Variants in ERMP1 observed in about 807,000 individuals in gnomAD.
ERMP1 encodes the protein Felix-ina.
A neutral mutation model predicts 92.0 loss-of-function variants in ERMP1; 86 were observed. The ratio of observed to expected loss-of-function variants is 0.93; its 90% confidence interval spans 0.79 to 1.12. The LOEUF (loss-of-function observed/expected upper bound fraction) is 1.12. ERMP1 is among the 50% of genes most tolerant of loss of function. The pLI, the probability that ERMP1 is intolerant of heterozygous loss-of-function variation, is 0.00. For missense variants in ERMP1, 1,342 were observed against 1,116.3 expected (o/e 1.20, Z -2.88); for synonymous variants, 530 against 412.8 (o/e 1.28, Z -3.44).
Position 5,854,838 on chromosome 9 carries a change from C to T in ERMP1, n.3199+4630G>A, listed in dbSNP as rs149807584. Among the ~76,000 whole-genome samples the T allele has an allele frequency of 6.4e-3, 976 of 152,270 alleles. 9 individuals are homozygous for T. The highest frequency in any genetic ancestry group is 0.022 in the African/African-American group (898 of 41,540). On this transcript the variant is annotated intron_variant and non_coding_transcript_variant, in intron 6 of 6. Transcript: ENST00000690753. ...CACCACACCCGGCCTGGTCTTATTA[C>T]TTCTATACATAAGACAGGATCTTTC...
chr9:5,827,217 T>G (rs182594254), intron 2 of ERMP1, among the ~76,000 whole-genome samples: 8 of 152,356 alleles, frequency 5.3e-5, no homozygotes, highest in African/African-American at 1.9e-4. Flanking sequence ...AGTGCTTCAA[T>G]TAGGCCATCC....
At chr9:5,860,056 T>C (rs1318045925) in intron 5 of ERMP1, among the ~76,000 whole-genome samples, 1 of 151,980 alleles carries the variant, frequency 6.6e-6, no homozygotes, top group African/African-American at 2.4e-5. Flanking sequence ...TTTCAGCACT[T>C]TGAGAGGCTA....
At chr9:5,822,922 C>A (rs577343262) in intron 4 of ERMP1, among the ~76,000 whole-genome samples, 64 of 152,226 alleles carry the variant, frequency 4.2e-4, no homozygotes, top group African/African-American at 1.5e-3. Flanking sequence ...CTTAGCGTTC[C>A]AATAATGGAA....
At chr9:5,796,027 T>C (rs1394075794) in intron 13 of ERMP1, among the ~76,000 whole-genome samples, 1 of 152,058 alleles carries the variant, frequency 6.6e-6, no homozygotes, top group African/African-American at 2.4e-5. Flanking sequence ...AAGGATTCTA[T>C]AAGGAAAACT....
chr9:5,843,248 G>A (rs149270787), intron 6 of ERMP1, among the ~76,000 whole-genome samples: 127 of 152,342 alleles, frequency 8.3e-4, no homozygotes, highest in African/African-American at 2.8e-3. Flanking sequence ...ATAGCTCTGC[G>A]GAATTTGGGG....
intron 9 of ERMP1, among the ~76,000 whole-genome samples, 193 bp downstream of exon 9, chr9:5,805,418 T>C (rs1434058131): frequency 6.6e-6 from 1 of 152,114 alleles, no homozygotes; most frequent in Admixed American, 6.5e-5. Context: ...ACACAAGTAA[T>C]ATATTAGTAT....
rs1280887382 is a variant in ERMP1 at position 5,787,235 on chromosome 9, C to T, written c.2624G>A (p.Arg875Lys). Residue 875 changes from arginine (R) to lysine (K), a missense_variant, in exon 15 of 15, where the codon AGA (arginine) becomes AAA (lysine). By Grantham distance (26) the Arg-to-Lys change is conservative. Transcript: ENST00000339450. ...CTTCAGAGCATCCAGTTGAGGGGAT[C>T]TCTTGTCTTCCCCAGACAGATAGTG... is the stretch of plus-strand genomic sequence containing the variant. ...AAHYLSGEDKRSPQLDALKEK... is the reference protein window; with the variant it reads ...AAHYLSGEDKKSPQLDALKEK... The T allele has an allele frequency of 1.2e-6, 2 of 1,613,988 alleles. No homozygotes were observed. The highest frequency in any genetic ancestry group is 1.7e-6 in the Non-Finnish European group (2 of 1,179,994).
intron 6 of ERMP1, among the ~76,000 whole-genome samples, chr9:5,845,800 C>G (rs148191404): frequency 6.6e-6 from 1 of 152,270 alleles, no homozygotes; most frequent in Non-Finnish European, 1.5e-5. Context: ...TGTGAGGAGA[C>G]TGAGGAGAAC....
chr9:5,866,146 T>C (rs1420680622), intron 5 of ERMP1, among the ~76,000 whole-genome samples: 3 of 152,216 alleles, frequency 2.0e-5, no homozygotes, highest in Admixed American at 2.0e-4. Context: ...TTACACATAA[T>C]ACACTTCCAT....
At position 5,809,318 on chromosome 9, in the gene ERMP1, C is replaced by A. The variant is rs559820574; in HGVS notation, c.1548+693G>T. On this transcript the variant is annotated intron_variant, in intron 8 of 14. Transcript: ENST00000339450. The stretch of plus-strand genomic sequence containing the variant: ...TACAGGCGTGAGCCACCGCGCCCGG[C>A]CAGCCCTAATTTCTAATTTTATTTT... Among the ~76,000 whole-genome samples, 4 of 152,342 alleles carry A rather than the reference C, an allele frequency of 2.6e-5. No homozygotes were observed. The East Asian group carries it at 7.7e-4, about 29-fold the overall frequency.
At chr9:5,796,257 A>G (rs115522191) in intron 13 of ERMP1, among the ~76,000 whole-genome samples, 316 of 152,366 alleles carry the variant, frequency 2.1e-3, no homozygotes, top group African/African-American at 7.0e-3. Flanking sequence ...AATTCTGGAG[A>G]AGAAGAGTTG....
At chr9:5,818,965 T>G (rs759738823) in intron 4 of ERMP1, among the ~76,000 whole-genome samples, 4 of 152,244 alleles carry the variant, frequency 2.6e-5, no homozygotes, top group Non-Finnish European at 5.9e-5. Flanking sequence ...AAATCCTTAC[T>G]GTTATATGTA....
intron 5 of ERMP1, among the ~76,000 whole-genome samples, chr9:5,862,812 G>C (rs1358102146): frequency 6.6e-6 from 1 of 152,166 alleles, no homozygotes; most frequent in African/African-American, 2.4e-5. Flanking sequence ...TGGGGCCATG[G>C]GTTGGTTCTC....
At chr9:5,808,827 T>C (rs1159439655) in intron 8 of ERMP1, among the ~76,000 whole-genome samples, 1 of 152,196 alleles carries the variant, frequency 6.6e-6, no homozygotes, top group Admixed American at 6.5e-5. Flanking sequence ...AGCCTTGATC[T>C]CATGGGCTCA....
rs1306705622 is a variant in ERMP1 at position 5,786,199 on chromosome 9, T to G, written c.*945A>C. On this transcript the variant is annotated 3_prime_UTR_variant, in exon 15 of 15. Transcript: ENST00000339450. Reference sequence around the variant, plus strand: ...AGATTATACCATGAAGGACTAACCTTGTATAACACAAGACTCCTATGAAAC... The same window carrying G: ...AGATTATACCATGAAGGACTAACCTGGTATAACACAAGACTCCTATGAAAC... The G allele has an allele frequency of 6.6e-6, 1 of 152,176 alleles. No homozygotes were observed. Among genetic ancestry groups the G allele is most frequent in the Non-Finnish European group, 1.5e-5 (1 of 68,046 alleles). 9.4% of individuals were successfully genotyped at this position (152,176 alleles called of 1,614,324 possible). A position where few individuals can be genotyped will look rare whatever the true frequency, so the allele number is the denominator to read the frequency against.
chr9:5,840,271 G>C (rs1443115389), intron 6 of ERMP1, among the ~76,000 whole-genome samples: 6 of 152,050 alleles, frequency 3.9e-5, no homozygotes. Context: ...AGAGAAGAGA[G>C]AACGGAAGGA....
In ERMP1 at chr9:5,857,474, G is replaced by C. The variant is rs116835289; in HGVS notation, n.3199+1994C>G. On this transcript the variant is annotated intron_variant and non_coding_transcript_variant, in intron 6 of 6. Transcript: ENST00000690753. The stretch of plus-strand genomic sequence containing the variant: ...CAAAAGTGCCATGAAAATTGATTTG[G>C]GGATTACAAATAGATTTTAGTGAGT... 7.9e-5 allele frequency among the ~76,000 whole-genome samples: 12 copies of C among 152,224 alleles called. 1 individual carries two copies. The highest frequency in any genetic ancestry group is 6.5e-4 in the Admixed American group (10 of 15,296).
intron 5 of ERMP1, among the ~76,000 whole-genome samples, chr9:5,861,241 G>C (rs996519833): frequency 1.7e-5 from 2 of 116,390 alleles, no homozygotes; most frequent in African/African-American, 5.3e-5. Context: ...AAAAAGTAAA[G>C]TACTGGAGAG....
chr9:5,833,663 T>A (rs1830040934), upstream of ERMP1, among the ~76,000 whole-genome samples: 1 of 152,230 alleles, frequency 6.6e-6, no homozygotes, highest in Non-Finnish European at 1.5e-5. Flanking sequence ...TAATACATCA[T>A]CTTATTTAAT....
Sources: allele counts gnomAD v4.1 joint callset (sites outside exome capture counted in the v4.1 genomes callset), GRCh38; gene constraint gnomAD v4.1.1; transcripts MANE v1.5; gene names NCBI Gene and HGNC (gene_info 2026-07-23, HGNC 2026-07-21).